KCNMB3: variants seen among roughly 807,000 people sequenced by gnomAD.
The protein encoded by KCNMB3 is calcium-activated potassium channel subunit beta-3.
Under a neutral mutation model 11.9 loss-of-function variants are expected in KCNMB3, and 18 were observed. The observed-to-expected ratio is 1.51, with a 90% CI of 1.04 to 2.23. KCNMB3 has a LOEUF of 2.23. Among genes scored for constraint, KCNMB3 ranks in the 30% most tolerant of loss-of-function variants. The pLI, the probability that KCNMB3 is intolerant of heterozygous loss-of-function variation, is 0.00. For missense variants in KCNMB3, 247 were observed against 329.4 expected (o/e 0.75, Z 1.94); for synonymous variants, 78 against 119.2 (o/e 0.65, Z 2.25).
At chr3:179,251,754 A>G (rs1180368), upstream of KCNMB3, 357,972 of 651,972 alleles carry the variant, frequency 0.55, 102,726 homozygotes, top group African/African-American at 0.69. Context: ...TTGAGACGGA[A>G]CCTCGCACTG....
intron 1 of KCNMB3, chr3:179,259,378 T>G (rs1242505759): frequency 6.3e-7 from 1 of 1,577,582 alleles, no homozygotes; most frequent in East Asian, 2.2e-5. Context: ...CCACCAGCCC[T>G]CGGGCCTGAT....
At chr3:179,244,807 T>G in intron 1 of KCNMB3, 114 bp from the exon 2 acceptor site, 1 of 877,248 alleles carries the variant, frequency 1.1e-6, no homozygotes, top group Non-Finnish European at 1.8e-6. Context: ...TACAAGGCAT[T>G]TGTGTATTTT....
chr3:179,266,787 A>C (rs7612684), exon 1 of KCNMB3: 33 of 1,575,442 alleles, frequency 2.1e-5, no homozygotes, highest in Non-Finnish European at 2.8e-5. Flanking sequence ...TGAAGCTTAG[A>C]CATCCACGGA....
chr3:179,260,666 AT>A, intron 1 of KCNMB3: 1 of 1,343,844 alleles, frequency 7.4e-7, no homozygotes, highest in Non-Finnish European at 1.1e-6. Flanking sequence ...ATTGGTAACT[AT>A]TTCTGAATTT....
Position 179,244,555 on chromosome 3 carries a change from G to T in KCNMB3, c.387C>A (p.Ser129Arg). The T allele has an allele frequency of 6.2e-7, 1 of 1,614,158 alleles. No homozygotes were observed. Among genetic ancestry groups the T allele is most frequent in the Non-Finnish European group, 8.5e-7 (1 of 1,180,028 alleles). Residue 129 changes from serine to arginine, a missense_variant, in exon 2 of 3, where the codon AGC becomes AGA. Ser to Arg is a moderately radical substitution (Grantham distance 110, BLOSUM62 -1). Coordinates refer to ENST00000392685, the MANE Select transcript of KCNMB3 (RefSeq NM_171830.2). ...GTAGGAGAGCTTTCTGACCTGGATG[G>T]CTGAGGTTCACAAACACCTGAAGAC... is the stretch of plus-strand genomic sequence containing the variant. Reference protein sequence around the residue: ...YPCLQVFVNLSHPGQKALLHY... With the variant: ...YPCLQVFVNLRHPGQKALLHY...
chr3:179,239,789 T>C (rs1230804993), downstream of KCNMB3: 4 of 421,060 alleles, frequency 9.5e-6, no homozygotes, highest in Non-Finnish European at 1.7e-5. Context: ...TATTTTGTCA[T>C]TCAGTGAATT....
upstream of KCNMB3, among the ~76,000 whole-genome samples, chr3:179,255,886 C>G (rs1174015923): frequency 1.3e-5 from 2 of 152,122 alleles, no homozygotes; most frequent in Non-Finnish European, 2.9e-5. Flanking sequence ...AGACTAGAAG[C>G]CATAAGGCAA....
At chr3:179,239,847 G>A (rs1017123173), downstream of KCNMB3, 17 of 502,370 alleles carry the variant, frequency 3.4e-5, no homozygotes, top group Non-Finnish European at 4.6e-5. Context: ...CGTTTTTAAT[G>A]TCCTTTTAAT....
intron 1 of KCNMB3, chr3:179,266,620 T>A (rs1258139052): frequency 6.2e-7 from 1 of 1,613,376 alleles, no homozygotes; most frequent in Non-Finnish European, 8.5e-7. Flanking sequence ...AGATTCCCAC[T>A]ACCGGCAGAG....
intron 1 of KCNMB3, among the ~76,000 whole-genome samples, chr3:179,262,552 A>G (rs1011091376): frequency 6.6e-6 from 1 of 152,240 alleles, no homozygotes; most frequent in Non-Finnish European, 1.5e-5. Flanking sequence ...CAGCGTGGAA[A>G]GGGACCTGAG....
At chr3:179,255,164 C>CA (rs5854826), upstream of KCNMB3, among the ~76,000 whole-genome samples, 69,629 of 148,150 alleles carry the variant, frequency 0.47, 17,944 homozygotes, top group East Asian at 0.87. Context: ...GACTCTATCT[C>CA]AAAAAAAAAT....
At chr3:179,247,327 T>C (rs1250480051) in intron 1 of KCNMB3, among the ~76,000 whole-genome samples, 1 of 149,964 alleles carries the variant, frequency 6.7e-6, no homozygotes, top group Non-Finnish European at 1.5e-5. Flanking sequence ...TCAAATTACA[T>C]AGACATGTAA....
upstream of KCNMB3, among the ~76,000 whole-genome samples, chr3:179,252,549 C>A (rs951323031): frequency 6.6e-6 from 1 of 152,010 alleles, no homozygotes; most frequent in Non-Finnish European, 1.5e-5. Context: ...CAGAATGTTC[C>A]AAGAGCCTGT....
chr3:179,251,146 TA>T (rs749271658), upstream of KCNMB3: 28 of 1,613,840 alleles, frequency 1.7e-5, no homozygotes, highest in South Asian at 2.9e-4. Flanking sequence ...TTTTTAAAGA[TA>T]TTGTAGCAAA....
chr3:179,249,283 G>A (rs1488094336), intron 1 of KCNMB3, among the ~76,000 whole-genome samples: 2 of 149,928 alleles, frequency 1.3e-5, no homozygotes, highest in Non-Finnish European at 3.0e-5. Flanking sequence ...AAAGTGCTGG[G>A]ATTACAGGCG....
intron 1 of KCNMB3, chr3:179,261,078 G>T: frequency 9.0e-7 from 1 of 1,111,474 alleles, no homozygotes; most frequent in Non-Finnish European, 1.4e-6. Context: ...AGCATGTTAC[G>T]AGACCCCTTC....
chr3:179,258,139 G>A (rs1726082907), intron 1 of KCNMB3, among the ~76,000 whole-genome samples: 1 of 152,104 alleles, frequency 6.6e-6, no homozygotes, highest in African/African-American at 2.4e-5. Context: ...ACCCGCCTTG[G>A]CCTCCCAACG....
chr3:179,244,605 A>G lies in KCNMB3; in HGVS notation c.337T>C (p.Cys113Arg), dbSNP rs368730701. 6 of 1,614,198 alleles carry G rather than the reference A, an allele frequency of 3.7e-6. No homozygotes were observed. In the African/African-American group the frequency reaches 8.0e-5, roughly 22 times the overall value. ...LDCAFTCGVHCHGQGKYPCLQ... is the reference protein window; with the variant it reads ...LDCAFTCGVHRHGQGKYPCLQ... ...CACGGGTACTTCCCCTGACCGTGGC[A>G]GTGCACACCACAGGTGAAGGCACAG... Residue 113 changes from cysteine to arginine, a missense_variant, in exon 2 of 3, where the codon TGC (cysteine) becomes CGC (arginine). Physicochemically the swap from Cys to Arg is radical, Grantham distance 180 (BLOSUM62 -3). This residue lies in a region of KCNMB3 where 160 missense variants were observed against 157.5 expected (regional missense o/e 1.02). Transcript: ENST00000392685.
At chr3:179,260,021 T>G in intron 1 of KCNMB3, 6 of 1,612,634 alleles carry the variant, frequency 3.7e-6, no homozygotes, top group Non-Finnish European at 5.1e-6. Flanking sequence ...TGGTGAATTC[T>G]TTCTCTAAAC....
Sources: gnomAD v4.1 joint callset for allele counts (sites outside exome capture counted in the v4.1 genomes callset) on GRCh38, gnomAD v4.1.1 for gene constraint, gnomAD v4.1.1 regional missense constraint, MANE v1.5 for transcripts, NCBI Gene and HGNC (gene_info 2026-07-23, HGNC 2026-07-21) for gene names.